The following SPATA13 variants were observed in gnomAD, a reference collection of about 807,000 sequenced individuals.
The protein encoded by SPATA13 is spermatogenesis-associated protein 13.
Under a neutral mutation model 104.0 loss-of-function variants are expected in SPATA13, and 50 were observed. That is an observed-to-expected ratio of 0.48 (90% confidence interval 0.38 to 0.61). The LOEUF is 0.61. Among genes scored for constraint, SPATA13 ranks in the 20% least tolerant of loss-of-function variants. The pLI is 0.00. For synonymous variants in SPATA13, 606 were observed against 667.5 expected, an observed-to-expected ratio of 0.91 and a Z score of 1.42; for missense variants, 1,524 against 1,690.6, an observed-to-expected ratio of 0.90 and a Z score of 1.73.
chr13:24,264,780 TCCAC>T (rs1370276228), intron 4 of SPATA13, among the ~76,000 whole-genome samples: 2 of 152,256 alleles, frequency 1.3e-5, no homozygotes, highest in African/African-American at 4.8e-5. Context: ...GGATGAAAAA[TCCAC>T]GTGTGCTTAC....
chr13:24,288,942 T>C, intron 7 of SPATA13, 57 bp from the exon 8 acceptor site: 1 of 1,481,634 alleles, frequency 6.7e-7, no homozygotes, highest in Non-Finnish European at 9.1e-7. Context: ...AAAGCTGTAC[T>C]ATTCAAATAA....
At chr13:24,179,242 G>A (rs1440976411) in intron 1 of SPATA13, among the ~76,000 whole-genome samples, 1 of 152,162 alleles carries the variant, frequency 6.6e-6, no homozygotes. Context: ...GAACATTTGT[G>A]TACAAGTTTT....
chr13:24,187,551 G>A (rs1034750468), intron 1 of SPATA13, among the ~76,000 whole-genome samples: 3 of 152,118 alleles, frequency 2.0e-5, no homozygotes, highest in African/African-American at 7.2e-5. Flanking sequence ...GTCTATTGGC[G>A]CCATTCATTG....
At chr13:24,053,482 C>G (rs1878435187) in intron 3 of SPATA13, among the ~76,000 whole-genome samples, 1 of 152,170 alleles carries the variant, frequency 6.6e-6, no homozygotes. Flanking sequence ...GCAAGCCGTT[C>G]TTACCTGGGA....
At chr13:24,290,368 T>C (rs1264384312) in intron 8 of SPATA13, among the ~76,000 whole-genome samples, 1 of 152,088 alleles carries the variant, frequency 6.6e-6, no homozygotes, top group Non-Finnish European at 1.5e-5. Flanking sequence ...AGGATGAGCG[T>C]GAGGCAGGCT....
At chr13:24,054,095 G>A (rs1045641496) in intron 3 of SPATA13, among the ~76,000 whole-genome samples, 2 of 152,018 alleles carry the variant, frequency 1.3e-5, no homozygotes, top group Non-Finnish European at 2.9e-5. Context: ...CATGGAGAGG[G>A]CAGCATGGAG....
chr13:24,167,645 A>G (rs1423999310), intron 1 of SPATA13, among the ~76,000 whole-genome samples: 2 of 152,142 alleles, frequency 1.3e-5, no homozygotes, highest in Non-Finnish European at 2.9e-5. Context: ...TTCTCCAACC[A>G]ATCAGTTGTA....
At chr13:24,187,929 G>C (rs1869256130) in intron 1 of SPATA13, among the ~76,000 whole-genome samples, 1 of 152,200 alleles carries the variant, frequency 6.6e-6, no homozygotes, top group Non-Finnish European at 1.5e-5. Flanking sequence ...AGCTAGGAAT[G>C]ATTAAGCTTA....
intron 3 of SPATA13, chr13:24,122,972 C>T (rs998125556): frequency 1.3e-6 from 1 of 799,050 alleles, no homozygotes; most frequent in African/African-American, 1.7e-5. Context: ...TCAGAATTCC[C>T]ATAGCAGTAA....
intron 3 of SPATA13, among the ~76,000 whole-genome samples, chr13:24,082,308 G>A (rs1277172573): frequency 6.6e-6 from 1 of 152,206 alleles, no homozygotes; most frequent in Non-Finnish European, 1.5e-5. Context: ...AGTCACTGGT[G>A]CTGAGCTCGG....
At chr13:24,070,882 G>A (rs1879135625) in intron 3 of SPATA13, among the ~76,000 whole-genome samples, 1 of 152,094 alleles carries the variant, frequency 6.6e-6, no homozygotes, top group African/African-American at 2.4e-5. Context: ...CCGGCCTTCA[G>A]ACTGGAACTA....
intron 2 of SPATA13, among the ~76,000 whole-genome samples, chr13:24,008,465 A>C (rs1876327820): frequency 6.6e-6 from 1 of 152,196 alleles, no homozygotes; most frequent in African/African-American, 2.4e-5. Context: ...ACCATGAAAG[A>C]GGGCGGTGCC....
At chr13:24,248,496 C>T (rs1473795534) in intron 2 of SPATA13, among the ~76,000 whole-genome samples, 1 of 152,214 alleles carries the variant, frequency 6.6e-6, no homozygotes, top group Admixed American at 6.5e-5. Flanking sequence ...GGTGATGCCT[C>T]ATTTAGGATC....
chr13:24,015,452 GGACAGCCCT>G (rs1876666574), intron 2 of SPATA13, among the ~76,000 whole-genome samples: 1 of 152,114 alleles, frequency 6.6e-6, no homozygotes, highest in Non-Finnish European at 1.5e-5. Context: ...CTAATTTCGG[GGACAGCCCT>G]GCTTCCAAGC....
chr13:24,188,429 G>A (rs951533278), intron 1 of SPATA13, among the ~76,000 whole-genome samples: 6 of 152,184 alleles, frequency 3.9e-5, no homozygotes, highest in African/African-American at 1.4e-4. Context: ...AAGTTTTAGT[G>A]GTCCAGATAG....
At chr13:24,194,447 C>T (rs1372756869) in intron 1 of SPATA13, among the ~76,000 whole-genome samples, 1 of 152,146 alleles carries the variant, frequency 6.6e-6, no homozygotes, top group Admixed American at 6.5e-5. Context: ...TTGAGAATCA[C>T]TGACAGAGCG....
upstream of SPATA13, among the ~76,000 whole-genome samples, chr13:24,159,467 A>G (rs1882377289): frequency 6.6e-6 from 1 of 152,220 alleles, no homozygotes; most frequent in South Asian, 2.1e-4. Context: ...ACAGGAATGG[A>G]AAGTACACGG....
At chr13:24,067,622 A>G (rs1228755483) in intron 3 of SPATA13, among the ~76,000 whole-genome samples, 2 of 152,236 alleles carry the variant, frequency 1.3e-5, no homozygotes, top group Admixed American at 6.5e-5. Context: ...AACAGCGTGG[A>G]AGGCTCTATG....
intron 3 of SPATA13, among the ~76,000 whole-genome samples, chr13:24,045,609 C>T (rs1878115703): frequency 6.6e-6 from 1 of 152,114 alleles, no homozygotes; most frequent in African/African-American, 2.4e-5. Context: ...AGGCTCATGA[C>T]AAAGGGTCAT....
Sources: allele counts gnomAD v4.1 joint callset (sites outside exome capture counted in the v4.1 genomes callset), GRCh38; gene constraint gnomAD v4.1.1; transcripts MANE v1.5; gene names NCBI Gene and HGNC (gene_info 2026-07-23, HGNC 2026-07-21).